Variants in DCC observed in about 807,000 individuals in gnomAD.
DCC encodes DCC netrin 1 receptor, also known as netrin receptor DCC.
A neutral mutation model predicts 172.5 loss-of-function variants in DCC; 58 were observed. The observed-to-expected ratio is 0.34, with a 90% CI of 0.27 to 0.42. The LOEUF (loss-of-function observed/expected upper bound fraction) is 0.42. DCC is among the 10% of genes least tolerant of loss of function. DCC has a pLI of 1.00. For synonymous variants in DCC, 709 were observed against 644.5 expected, an observed-to-expected ratio of 1.10 and a Z score of -1.52; for missense variants, 1,740 against 1,791.0, an observed-to-expected ratio of 0.97 and a Z score of 0.51.
intron 16 of DCC, among the ~76,000 whole-genome samples, chr18:53,389,128 C>T (rs1908378327): frequency 6.6e-6 from 1 of 152,088 alleles, no homozygotes; most frequent in South Asian, 2.1e-4. Context: ...CATTCATGGG[C>T]ACTTACAAAA....
chr18:52,645,948 A>T (rs1305007615), intron 1 of DCC, among the ~76,000 whole-genome samples: 1 of 152,216 alleles, frequency 6.6e-6, no homozygotes, highest in African/African-American at 2.4e-5. Flanking sequence ...AGGTGCTTAC[A>T]ATTTTGGAAT....
intron 1 of DCC, among the ~76,000 whole-genome samples, chr18:52,593,869 A>G (rs1485932631): frequency 6.6e-6 from 1 of 152,218 alleles, no homozygotes. Flanking sequence ...ACTTATCTAT[A>G]GGTAGTAAGG....
rs181044352 is a variant in DCC at position 53,191,466 on chromosome 18, A to G, written c.1573+12350A>G. 5.5e-3 allele frequency among the ~76,000 whole-genome samples: 845 copies of G among 152,262 alleles called. 10 individuals are homozygous for G. Among genetic ancestry groups the G allele is most frequent in the African/African-American group, 0.019 (800 of 41,558 alleles). On this transcript the variant is annotated intron_variant, in intron 9 of 28. Coordinates refer to ENST00000442544, the MANE Select transcript of DCC (RefSeq NM_005215.4). ...TTTGCCAATCTTCTTAAAAATATTT[A>G]ATTTTGTAGTATTACAACTAATTTC...
At chr18:52,717,973 GA>G (rs1278305911) in intron 1 of DCC, among the ~76,000 whole-genome samples, 12 of 152,148 alleles carry the variant, frequency 7.9e-5, no homozygotes, top group African/African-American at 2.9e-4. Context: ...CCAAACGCCT[GA>G]AACCAAAACC....
At chr18:53,176,662 T>C (rs1436029503) in intron 8 of DCC, among the ~76,000 whole-genome samples, 2 of 152,060 alleles carry the variant, frequency 1.3e-5, no homozygotes, top group Non-Finnish European at 2.9e-5. Flanking sequence ...TGGCAATCAC[T>C]AAAAAGTCAG....
intron 7 of DCC, among the ~76,000 whole-genome samples, chr18:53,129,487 C>G (rs1258285597): frequency 6.6e-6 from 1 of 151,870 alleles, no homozygotes; most frequent in Non-Finnish European, 1.5e-5. Context: ...TTATTATTCC[C>G]CTCTCCCTCA....
chr18:52,909,244 ATG>A (rs894067184), intron 3 of DCC, among the ~76,000 whole-genome samples: 6 of 152,182 alleles, frequency 3.9e-5, no homozygotes, highest in African/African-American at 1.4e-4. Context: ...TATAATACAT[ATG>A]TGTGTATACA....
At chr18:52,427,804 T>TTTTCTTCC (rs879446291) in intron 1 of DCC, among the ~76,000 whole-genome samples, 48,575 of 136,074 alleles carry the variant, frequency 0.36, 10,727 homozygotes, top group East Asian at 0.64. Flanking sequence ...ACTAACTTTC[T>TTTTCTTCC]TTTCTTCCTT....
Position 53,499,186 on chromosome 18 carries a change from C to G in DCC, c.3899-112C>G, listed in dbSNP as rs548435930. 2.0e-5 allele frequency: 21 copies of G among 1,063,156 alleles called. No individual in the cohort carries two copies. In the African/African-American group the frequency reaches 3.3e-4, roughly 17 times the overall value. 65.9% of individuals were successfully genotyped at this position (1,063,156 alleles called of 1,614,324 possible). On this transcript the variant is annotated intron_variant, in intron 26 of 28. Transcript: ENST00000442544. ...CAATGTTCATAACTTGGAGAAGAGA[C>G]TGACCACATCCTATCACATCTCTCT... is the stretch of plus-strand genomic sequence containing the variant.
At chr18:53,232,191 C>T (rs2056132485) in intron 12 of DCC, among the ~76,000 whole-genome samples, 1 of 152,136 alleles carries the variant, frequency 6.6e-6, no homozygotes, top group African/African-American at 2.4e-5. Context: ...GCCCCCCTCC[C>T]CCTTCTCTCC....
intron 1 of DCC, among the ~76,000 whole-genome samples, chr18:52,676,552 T>C (rs568060448): frequency 6.6e-6 from 1 of 152,202 alleles, no homozygotes; most frequent in East Asian, 1.9e-4. Flanking sequence ...TATTTTACTT[T>C]TCAAGTGATT....
intron 12 of DCC, among the ~76,000 whole-genome samples, chr18:53,257,260 G>A (rs1009207018): frequency 6.6e-6 from 1 of 152,184 alleles, no homozygotes; most frequent in African/African-American, 2.4e-5. Context: ...TTGAATAGGA[G>A]TGGTGAGAGA....
At chr18:52,420,418 A>G (rs753931663) in intron 1 of DCC, among the ~76,000 whole-genome samples, 4 of 152,162 alleles carry the variant, frequency 2.6e-5, no homozygotes, top group Non-Finnish European at 5.9e-5. Context: ...CATTTCTTAA[A>G]GTATGGTCCA....
chr18:53,017,220 C>G (rs1157192335), intron 5 of DCC, among the ~76,000 whole-genome samples: 1 of 151,906 alleles, frequency 6.6e-6, no homozygotes, highest in Non-Finnish European at 1.5e-5. Context: ...GGACTACAGG[C>G]GCCCGCCAAA....
At chr18:52,459,351 AC>A (rs952426352) in intron 1 of DCC, among the ~76,000 whole-genome samples, 3 of 151,242 alleles carry the variant, frequency 2.0e-5, no homozygotes, top group Non-Finnish European at 4.4e-5. Context: ...TCCTCCTCCC[AC>A]CCTCCACCCT....
intron 5 of DCC, among the ~76,000 whole-genome samples, chr18:52,933,134 G>A (rs561253367): frequency 9.2e-5 from 14 of 152,074 alleles, no homozygotes; most frequent in Admixed American, 4.6e-4. Flanking sequence ...CTGGATATAC[G>A]GTGAGCTAAT....
chr18:52,843,245 C>T (rs910924771), intron 2 of DCC, among the ~76,000 whole-genome samples: 1 of 152,122 alleles, frequency 6.6e-6, no homozygotes, highest in African/African-American at 2.4e-5. Flanking sequence ...CAAGATTTTG[C>T]TAATTACTAA....
chr18:52,976,833 G>T (rs922756807), intron 5 of DCC, among the ~76,000 whole-genome samples: 2 of 152,138 alleles, frequency 1.3e-5, no homozygotes, highest in Non-Finnish European at 2.9e-5. Flanking sequence ...TGCAAACACA[G>T]AGAGCTTACC....
intron 9 of DCC, among the ~76,000 whole-genome samples, chr18:53,193,855 A>T (rs2055402051): frequency 6.6e-6 from 1 of 152,196 alleles, no homozygotes; most frequent in Non-Finnish European, 1.5e-5. Flanking sequence ...TTAAGGTAGG[A>T]TCTTTTTTTC....
Sources: gnomAD v4.1 joint callset for allele counts (sites outside exome capture counted in the v4.1 genomes callset) on GRCh38, gnomAD v4.1.1 for gene constraint, MANE v1.5 for transcripts, NCBI Gene and HGNC (gene_info 2026-07-23, HGNC 2026-07-21) for gene names.